Variants in SLFN5 observed in about 807,000 individuals in gnomAD.
SLFN5 encodes the protein schlafen family member 5.
In SLFN5, 34 loss-of-function variants were observed where a neutral mutation model predicts 48.5. The observed-to-expected ratio is 0.70, with a 90% CI of 0.53 to 0.93. The LOEUF (loss-of-function observed/expected upper bound fraction) is 0.93. Among genes scored for constraint, SLFN5 ranks in the 40% least tolerant of loss-of-function variants. The pLI is 0.00. For synonymous variants in SLFN5, 387 were observed against 396.2 expected (o/e 0.98, Z 0.28); for missense variants, 1,006 against 1,071.3 (o/e 0.94, Z 0.85).
rs1420809672 is a variant in SLFN5, at chr17:35,270,417, C to T, written c.*4529C>T. On this transcript the variant is annotated 3_prime_UTR_variant, in exon 5 of 5. Coordinates refer to ENST00000299977, the MANE Select transcript of SLFN5 (RefSeq NM_144975.4). ...GCCATCCTCACAACCAAGAAAAGCG[C>T]CTCTCCATGAACTAAAACCTATGAG... The T allele has an allele frequency of 2.0e-5, 3 of 152,180 alleles. No homozygotes were observed. The highest frequency in any genetic ancestry group is 4.4e-5 in the Non-Finnish European group (3 of 68,046). 9.4% of individuals were successfully genotyped at this position (152,180 alleles called of 1,614,324 possible). A position where few individuals can be genotyped will look rare whatever the true frequency, so the allele number is the denominator to read the frequency against.
At chr17:35,261,650 T>TGAGCCACCACGCC in intron 3 of SLFN5, among the ~76,000 whole-genome samples, 1 of 150,648 alleles carries the variant, frequency 6.6e-6, no homozygotes, top group Non-Finnish European at 1.5e-5. Flanking sequence ...ATTACAGGCA[T>TGAGCCACCACGCC]GAGCCACCAC....
rs574535390 is a variant in SLFN5 at position 35,268,970 on chromosome 17, G to A, written c.*3082G>A. 7 of 152,198 alleles carry A rather than the reference G, an allele frequency of 4.6e-5. No homozygotes were observed. The East Asian group carries it at 9.6e-4, about 21-fold the overall frequency. The allele number at this position is 152,198 out of a possible 1,614,324, so 9.4% of individuals were successfully genotyped here. A position where few individuals can be genotyped will look rare whatever the true frequency, so the allele number is the denominator to read the frequency against. On this transcript the variant is annotated 3_prime_UTR_variant, in exon 5 of 5. Coordinates refer to ENST00000299977, the MANE Select transcript of SLFN5 (RefSeq NM_144975.4). The stretch of plus-strand genomic sequence containing the variant: ...TTCATTGACTGATTTCCAATATCTC[G>A]AGACCTGTTGTTTCATATATTTTGC...
intron 1 of SLFN5, among the ~76,000 whole-genome samples, chr17:35,257,017 T>C (rs543614119): frequency 1.6e-4 from 24 of 152,252 alleles, no homozygotes; most frequent in Non-Finnish European, 2.8e-4. Flanking sequence ...GGATCTAGGC[T>C]GCGCACTCCT....
rs775101237 is a variant in SLFN5 at position 35,265,676 on chromosome 17, G to A, written c.2464G>A (p.Glu822Lys). The change falls in exon 5 of 5, where the codon GAG becomes AAG. Residue 822 changes from glutamate (E) to lysine (K), a missense_variant. By Grantham distance (56) the Glu-to-Lys change is moderately conservative (BLOSUM62 1). Transcript: ENST00000299977. ...GAGAAAACTGTCTCAGCTCCATGAG[G>A]AGTCTGATCTGTTACTACAGATCGG... ...RKRKLSQLHE[E>K]SDLLLQIGDA... The A allele has an allele frequency of 8.7e-6, 14 of 1,614,196 alleles. No homozygotes were observed. In the East Asian group the frequency reaches 1.3e-4, roughly 15 times the overall value.
chr17:35,243,490 G>A (rs1011781469), intron 1 of SLFN5, among the ~76,000 whole-genome samples: 2 of 152,238 alleles, frequency 1.3e-5, no homozygotes, highest in Non-Finnish European at 2.9e-5. Flanking sequence ...AAGGGAAAAC[G>A]ACGAAATCGG....
chr17:35,245,023 C>G (rs891737862), intron 1 of SLFN5, among the ~76,000 whole-genome samples: 1 of 152,218 alleles, frequency 6.6e-6, no homozygotes, highest in Non-Finnish European at 1.5e-5. Context: ...ATAGCAGCCC[C>G]ACTTTAACCA....
Position 35,261,044 on chromosome 17 carries a change from C to T in SLFN5, c.1086C>T (p.Cys362=), listed in dbSNP as rs1276225367. The change falls in exon 3 of 5, where the codon TGC becomes TGT. Residue 362 remains cysteine, a synonymous_variant. Transcript: ENST00000299977. ...CCACGCCCCGCAGCAAGCCTGTGTGCATTCATAAGAATTCGGAATGTCTGA... is the reference window on the plus strand; with the variant it reads ...CCACGCCCCGCAGCAAGCCTGTGTGTATTCATAAGAATTCGGAATGTCTGA... The part of the protein sequence containing the change: ...SSATPRSKPV[C]IHKNSECLKE... 3 of 1,613,978 alleles carry T rather than the reference C, an allele frequency of 1.9e-6. No individual in the cohort carries two copies. In the South Asian group the frequency reaches 3.3e-5, roughly 18 times the overall value.
chr17:35,248,509 G>T (rs1023815061), intron 1 of SLFN5, among the ~76,000 whole-genome samples: 1 of 151,736 alleles, frequency 6.6e-6, no homozygotes, highest in Non-Finnish European at 1.5e-5. Flanking sequence ...CCTTCTATTA[G>T]GTTGGTGCAA....
chr17:35,258,774 G>T lies in SLFN5; in HGVS notation c.84G>T (p.Arg28Ser), dbSNP rs1244254474. The T allele has an allele frequency of 6.2e-7, 1 of 1,614,042 alleles. No homozygotes were observed. The highest frequency in any genetic ancestry group is 8.5e-7 in the Non-Finnish European group (1 of 1,180,036). Residue 28 changes from arginine to serine, a missense_variant, in exon 2 of 5, where the codon AGG becomes AGT. Transcript: ENST00000299977. ...AGKVTLGTQQRQEMDPRLREK... is the reference protein window; with the variant it reads ...AGKVTLGTQQSQEMDPRLREK... The stretch of plus-strand genomic sequence containing the variant: ...AAGTCACCCTTGGGACTCAGCAGAG[G>T]CAGGAGATGGACCCTCGCCTGCGGG...
Position 35,270,846 on chromosome 17 carries a change from C to T in SLFN5, c.*4958C>T, listed in dbSNP as rs1163510194. 2 of 152,124 alleles carry T rather than the reference C, an allele frequency of 1.3e-5. No homozygotes were observed. The highest frequency in any genetic ancestry group is 4.8e-5 in the African/African-American group (2 of 41,404). The allele number at this position is 152,124 out of a possible 1,614,324, so 9.4% of individuals were successfully genotyped here. A position where few individuals can be genotyped will look rare whatever the true frequency, so the allele number is the denominator to read the frequency against. ...AATGTCTCCAGACATCGCCAAATGT[C>T]CCTTGGGGGGTAAAATCACCACCAC... On this transcript the variant is annotated 3_prime_UTR_variant, in exon 5 of 5. Coordinates refer to ENST00000299977, the MANE Select transcript of SLFN5 (RefSeq NM_144975.4).
chr17:35,250,779 A>G (rs2092440651), intron 1 of SLFN5, among the ~76,000 whole-genome samples: 1 of 152,230 alleles, frequency 6.6e-6, no homozygotes, highest in Non-Finnish European at 1.5e-5. Flanking sequence ...TGTTAAAAGG[A>G]TTCCATTTTC....
chr17:35,264,252 T>A lies in SLFN5; in HGVS notation c.1208T>A (p.Leu403His). ...YKELFSQHKGLRDLINTEMRP... is the reference protein window; with the variant it reads ...YKELFSQHKGHRDLINTEMRP... ...GAACTCTTCTCACAACATAAAGGACTCAGAGACTTAATAAATACAGAAATG... is the reference window on the plus strand; with the variant it reads ...GAACTCTTCTCACAACATAAAGGACACAGAGACTTAATAAATACAGAAATG... Residue 403 changes from leucine (L) to histidine (H), a missense_variant, in exon 4 of 5, where the codon CTC becomes CAC. By Grantham distance (99) the Leu-to-His change is moderately conservative. Coordinates refer to ENST00000299977, the MANE Select transcript of SLFN5 (RefSeq NM_144975.4). 1.2e-6 allele frequency: 2 copies of A among 1,614,136 alleles called. No individual in the cohort carries two copies. Among genetic ancestry groups the A allele is most frequent in the African/African-American group, 1.3e-5 (1 of 75,048 alleles).
Position 35,266,423 on chromosome 17 carries a change from CAT to C in SLFN5, c.*536_*537del, listed in dbSNP as rs1904700441. On this transcript the variant is annotated 3_prime_UTR_variant, in exon 5 of 5. Transcript: ENST00000299977. ...TTGTAGGTGCCGGGAACGGGCAAGA[CAT>C]GTTTTGAAATGTAAGATCACAGACT... is the stretch of plus-strand genomic sequence containing the variant. 6.6e-6 allele frequency: 1 copy of C among 152,372 alleles called. No homozygotes were observed. Among genetic ancestry groups the C allele is most frequent in the Non-Finnish European group, 1.5e-5 (1 of 68,190 alleles). The allele number at this position is 152,372 out of a possible 1,614,324, so 9.4% of individuals were successfully genotyped here. A position where few individuals can be genotyped will look rare whatever the true frequency, so the allele number is the denominator to read the frequency against.
rs1242052387 is a variant in SLFN5 at position 35,270,944 on chromosome 17, C to T, written c.*5056C>T. On this transcript the variant is annotated 3_prime_UTR_variant, in exon 5 of 5. Transcript: ENST00000299977. Reference sequence around the variant, plus strand: ...TAGGTCAAGCATAACACATTACAATCAAGATTCAGAACATCAAAGATTCTT... The same window carrying T: ...TAGGTCAAGCATAACACATTACAATTAAGATTCAGAACATCAAAGATTCTT... 6.6e-6 allele frequency: 1 copy of T among 152,124 alleles called. No homozygotes were observed. Among genetic ancestry groups the T allele is most frequent in the African/African-American group, 2.4e-5 (1 of 41,426 alleles). The allele number at this position is 152,124 out of a possible 1,614,324, so 9.4% of individuals were successfully genotyped here. A position where few individuals can be genotyped will look rare whatever the true frequency, so the allele number is the denominator to read the frequency against.
Position 35,264,581 on chromosome 17 carries a change from A to G in SLFN5, c.1537A>G (p.Ile513Val). 1 of 1,614,120 alleles carries G rather than the reference A, an allele frequency of 6.2e-7. No homozygotes were observed. The highest frequency in any genetic ancestry group is 8.5e-7 in the Non-Finnish European group (1 of 1,180,016). ...AQSVYSSYLQ[I>V]YPESYNFMTP... ...GAGCGTTTACAGTTCGTATTTACAAATTTACCCTGAATCCTATAACTTCAT... is the reference window on the plus strand; with the variant it reads ...GAGCGTTTACAGTTCGTATTTACAAGTTTACCCTGAATCCTATAACTTCAT... Residue 513 changes from isoleucine to valine, a missense_variant, in exon 4 of 5, where the codon ATT becomes GTT. Transcript: ENST00000299977.
chr17:35,259,767 G>A, intron 2 of SLFN5, 65 bp downstream of exon 2: 4 of 1,542,160 alleles, frequency 2.6e-6, no homozygotes, highest in East Asian at 2.3e-5. Context: ...GGGTCAGAGA[G>A]GAAAGAGGGA....
chr17:35,265,380 A>G lies in SLFN5; in HGVS notation c.2168A>G (p.Gln723Arg). 6.2e-7 allele frequency: 1 copy of G among 1,614,202 alleles called. No individual in the cohort carries two copies. The highest frequency in any genetic ancestry group is 8.5e-7 in the Non-Finnish European group (1 of 1,180,052). ...RNAGPIANYLQQVMQEARQNP... is the reference protein window; with the variant it reads ...RNAGPIANYLRQVMQEARQNP... ...GCAGGTCCAATAGCTAATTACCTAC[A>G]ACAAGTAATGCAGGAAGCCCGACAA... The change falls in exon 5 of 5, where the codon CAA (glutamine) becomes CGA (arginine). Residue 723 changes from glutamine to arginine, a missense_variant. Transcript: ENST00000299977.
intron 1 of SLFN5, among the ~76,000 whole-genome samples, chr17:35,250,626 C>T (rs2092440260): frequency 2.7e-5 from 4 of 149,494 alleles, no homozygotes; most frequent in Admixed American, 2.7e-4. Flanking sequence ...CGCCACTGCA[C>T]TCCAGCCTGG....
intron 3 of SLFN5, among the ~76,000 whole-genome samples, chr17:35,261,398 A>G (rs1232797497): frequency 1.3e-5 from 2 of 152,158 alleles, no homozygotes; most frequent in South Asian, 2.1e-4. Flanking sequence ...GACTGGGCAC[A>G]GTGGCTCATA....
Sources: gnomAD v4.1 joint callset for allele counts (sites outside exome capture counted in the v4.1 genomes callset) on GRCh38, gnomAD v4.1.1 for gene constraint, MANE v1.5 for transcripts, NCBI Gene and HGNC (gene_info 2026-07-23, HGNC 2026-07-21) for gene names.